Variants in GPATCH1 observed in about 807,000 individuals in gnomAD.
GPATCH1 encodes G patch domain-containing protein 1.
A neutral mutation model predicts 114.9 loss-of-function variants in GPATCH1; 73 were observed. The observed-to-expected ratio is 0.64, with a 90% CI of 0.53 to 0.77. GPATCH1 has a LOEUF of 0.77. Ranked by LOEUF, GPATCH1 falls within the 30% of genes least tolerant of loss-of-function variation. The probability of loss-of-function intolerance (pLI) is 0.00; values close to 1 mark genes in which losing one functional copy is unlikely to be tolerated. For missense variants in GPATCH1, 1,058 were observed against 1,144.3 expected, an observed-to-expected ratio of 0.92 and a Z score of 1.09; for synonymous variants, 391 against 428.4, an observed-to-expected ratio of 0.91 and a Z score of 1.08.
chr19:33,108,679 G>T (rs544012505), intron 10 of GPATCH1, among the ~76,000 whole-genome samples: 1 of 152,092 alleles, frequency 6.6e-6, no homozygotes, highest in South Asian at 2.1e-4. Flanking sequence ...GAGGGCCAGC[G>T]TATTGCTCCT....
chr19:33,083,396 G>GTTTTTT (rs763617937), intron 1 of GPATCH1, among the ~76,000 whole-genome samples: 3 of 138,614 alleles, frequency 2.2e-5, no homozygotes, highest in African/African-American at 7.9e-5. Flanking sequence ...CCATGTTTTT[G>GTTTTTT]TTTTTTTTTT....
chr19:33,128,995 C>T (rs1973073490), intron 19 of GPATCH1, among the ~76,000 whole-genome samples: 1 of 152,016 alleles, frequency 6.6e-6, no homozygotes, highest in South Asian at 2.1e-4. Flanking sequence ...CGTCTGTAAT[C>T]CCAGCACTCT....
At chr19:33,104,659 G>A (rs1413160599) in intron 9 of GPATCH1, among the ~76,000 whole-genome samples, 1 of 152,122 alleles carries the variant, frequency 6.6e-6, no homozygotes, top group Non-Finnish European at 1.5e-5. Context: ...GCAGGCATCA[G>A]TATAGTTACA....
chr19:33,103,823 T>G (rs2047433233), intron 9 of GPATCH1, among the ~76,000 whole-genome samples: 1 of 152,086 alleles, frequency 6.6e-6, no homozygotes, highest in African/African-American at 2.4e-5. Context: ...AGGTAGCAGA[T>G]ACACAAATAC....
Position 33,112,532 on chromosome 19 carries a change from G to C in GPATCH1, c.1811G>C (p.Gly604Ala). 1 of 1,613,864 alleles carries C rather than the reference G, an allele frequency of 6.2e-7. No individual in the cohort carries two copies. The highest frequency in any genetic ancestry group is 8.5e-7 in the Non-Finnish European group (1 of 1,179,910). ...TCGGCTGTGAAGATGAAGATGTTTG[G>C]GAAGCTCACCCGAGACACGTTTGAG... Reference protein sequence around the residue: ...KQSAVKMKMFGKLTRDTFEWH... With the variant: ...KQSAVKMKMFAKLTRDTFEWH... Residue 604 changes from glycine to alanine, a missense_variant, in exon 13 of 20, where the codon GGG becomes GCG. Physicochemically the swap from Gly to Ala is moderately conservative, Grantham distance 60. Around this residue, in one of 3 missense-constraint regions of GPATCH1, gnomAD observed 893 missense variants for 977.4 expected, o/e 0.91. Coordinates refer to ENST00000170564, the MANE Select transcript of GPATCH1 (RefSeq NM_018025.3).
At chr19:33,100,980 A>G (rs1972719894) in intron 8 of GPATCH1, among the ~76,000 whole-genome samples, 1 of 152,026 alleles carries the variant, frequency 6.6e-6, no homozygotes, top group Non-Finnish European at 1.5e-5. Flanking sequence ...TATGTCTGTG[A>G]TCTTTATGTC....
chr19:33,120,548 CAA>C lies in GPATCH1; in HGVS notation c.2521+1449_2521+1450del, dbSNP rs58579147. ...TGGGTGACAGAGCAAGACTCTGTCT[CAA>C]AAAAAAAAAAAAAAAAAGGTAAAAG... On this transcript the variant is annotated intron_variant, in intron 17 of 19. Coordinates refer to ENST00000170564, the MANE Select transcript of GPATCH1 (RefSeq NM_018025.3). Among the ~76,000 whole-genome samples, 38 of 72,976 alleles carry C rather than the reference CAA, an allele frequency of 5.2e-4. 1 individual carries two copies. Among genetic ancestry groups the C allele is most frequent in the Middle Eastern group, 7.7e-3 (1 of 130 alleles). 47.9% of individuals were successfully genotyped at this position (72,976 alleles called of 152,430 possible).
chr19:33,116,552 C>T (rs1304237226), intron 15 of GPATCH1, among the ~76,000 whole-genome samples: 2 of 152,100 alleles, frequency 1.3e-5, no homozygotes, highest in African/African-American at 2.4e-5. Flanking sequence ...TTTTTTGAGA[C>T]GGAGTCTCGC....
rs753415589 is a variant in GPATCH1, at chr19:33,126,671, CA to C, written c.2704del (p.Ser902AlafsTer19). 1.2e-6 allele frequency: 2 copies of C among 1,614,106 alleles called. No individual in the cohort carries two copies. The highest frequency in any genetic ancestry group is 2.2e-5 in the South Asian group (2 of 91,076). On this transcript the variant is annotated frameshift_variant, in exon 19 of 20. Coordinates refer to ENST00000170564, the MANE Select transcript of GPATCH1 (RefSeq NM_018025.3). LOFTEE classifies it high-confidence loss of function. ...AAAGTAGTAGCTCCGAGAGTTCCGACAGCAGCGACAGCCAGAGTGACGAGGA... is the reference window on the plus strand; with the variant it reads ...AAAGTAGTAGCTCCGAGAGTTCCGACGCAGCGACAGCCAGAGTGACGAGGA... ...EKSSSSESSD[S>X]SDSQSDEETA...
Position 33,095,814 on chromosome 19 carries a change from A to T in GPATCH1, c.606A>T (p.Gly202=). The T allele has an allele frequency of 6.2e-7, 1 of 1,605,772 alleles. No homozygotes were observed. The highest frequency in any genetic ancestry group is 8.5e-7 in the Non-Finnish European group (1 of 1,172,648). Reference sequence around the variant, plus strand: ...CATTACCCCCTGGAAGCTCGGAAGGATCTGAGGTATTGCATGGTGTGACTG... The same window carrying T: ...CATTACCCCCTGGAAGCTCGGAAGGTTCTGAGGTATTGCATGGTGTGACTG... ...GCALPPGSSE[G]SEGEDDDYLP... is the part of the protein sequence containing the mutation. The change falls in exon 6 of 20, where the codon GGA becomes GGT. Residue 202 remains glycine (G), a synonymous_variant. Transcript: ENST00000170564.
rs182964744 is a variant in GPATCH1, at chr19:33,088,912, C to T, written c.208+644C>T. ...CCTCAAGTGATCCGCCTGTCTTGGCCTCCCAAAGTGCTGGGATTACAGGTG... is the reference window on the plus strand; with the variant it reads ...CCTCAAGTGATCCGCCTGTCTTGGCTTCCCAAAGTGCTGGGATTACAGGTG... On this transcript the variant is annotated intron_variant, in intron 2 of 19. Coordinates refer to ENST00000170564, the MANE Select transcript of GPATCH1 (RefSeq NM_018025.3). Among the ~76,000 whole-genome samples, 16 of 152,222 alleles carry T rather than the reference C, an allele frequency of 1.1e-4. 1 individual carries two copies. Among genetic ancestry groups the T allele is most frequent in the African/African-American group, 3.9e-4 (16 of 41,546 alleles).
chr19:33,108,340 C>A (rs3826907), intron 10 of GPATCH1, among the ~76,000 whole-genome samples: 1 of 152,018 alleles, frequency 6.6e-6, no homozygotes, highest in Admixed American at 6.5e-5. Context: ...CGCCCCTGCC[C>A]GCCTTTCAGG....
chr19:33,125,417 G>A (rs1321720516), intron 18 of GPATCH1, among the ~76,000 whole-genome samples: 2 of 118,514 alleles, frequency 1.7e-5, no homozygotes, highest in Non-Finnish European at 1.8e-5. Context: ...TTTTTTTTTT[G>A]AGATGGAGTC....
At chr19:33,100,730 G>A (rs1405665177) in intron 8 of GPATCH1, among the ~76,000 whole-genome samples, 1 of 151,772 alleles carries the variant, frequency 6.6e-6, no homozygotes, top group African/African-American at 2.4e-5. Flanking sequence ...CCTGCTTCAG[G>A]CCTGAGCTCC....
intron 4 of GPATCH1, 113 bp downstream of exon 4, chr19:33,093,632 AGTCT>A: frequency 2.0e-6 from 2 of 1,002,396 alleles, no homozygotes; most frequent in Admixed American, 2.3e-5. Context: ...TTAGGCTCAA[AGTCT>A]AAGTGAAAAA....
intron 9 of GPATCH1, among the ~76,000 whole-genome samples, chr19:33,105,997 C>T (rs1454884042): frequency 2.0e-5 from 3 of 151,670 alleles, no homozygotes; most frequent in African/African-American, 7.3e-5. Context: ...TACAGGTGTG[C>T]GCTACCACGC....
Position 33,112,265 on chromosome 19 carries a change from C to A in GPATCH1, c.1765-221C>A, listed in dbSNP as rs150779187. On this transcript the variant is annotated intron_variant, in intron 12 of 19. Transcript: ENST00000170564. ...ACAGGCATGAGCCACCATGCCCGGC[C>A]GAGCCAAATATTTTTAATCCCTTGG... is the stretch of plus-strand genomic sequence containing the variant. 3.7e-3 allele frequency among the ~76,000 whole-genome samples: 564 copies of A among 152,202 alleles called. 6 individuals are homozygous for A. Among genetic ancestry groups the A allele is most frequent in the African/African-American group, 0.013 (526 of 41,532 alleles).
At chr19:33,091,783 A>G (rs952789622) in intron 3 of GPATCH1, among the ~76,000 whole-genome samples, 1 of 152,150 alleles carries the variant, frequency 6.6e-6, no homozygotes, top group African/African-American at 2.4e-5. Flanking sequence ...TAAATAAAAC[A>G]TTTATATCAG....
intron 1 of GPATCH1, among the ~76,000 whole-genome samples, chr19:33,083,741 C>T (rs1372554328): frequency 1.3e-5 from 2 of 152,078 alleles, no homozygotes; most frequent in Non-Finnish European, 2.9e-5. Flanking sequence ...GATTTGTAGA[C>T]TTTGTTTTTC....
Sources: gnomAD v4.1 joint callset for allele counts (sites outside exome capture counted in the v4.1 genomes callset) on GRCh38, gnomAD v4.1.1 for gene constraint, gnomAD v4.1.1 regional missense constraint, MANE v1.5 for transcripts, NCBI Gene and HGNC (gene_info 2026-07-23, HGNC 2026-07-21) for gene names.